Variants in ZNF559 observed in about 807,000 individuals in gnomAD.
ZNF559 encodes putative protein product of Nbla00121.
A neutral mutation model predicts 14.2 loss-of-function variants in ZNF559; 17 were observed. The observed-to-expected ratio is 1.20, with a 90% confidence interval of 0.82 to 1.80. The LOEUF (loss-of-function observed/expected upper bound fraction) is 1.80. Among genes scored for constraint, ZNF559 ranks in the 40% most tolerant of loss-of-function variants. ZNF559 has a pLI of 0.00. For synonymous variants in ZNF559, 244 were observed against 212.4 expected (o/e 1.15, Z -1.29); for missense variants, 740 against 629.7 (o/e 1.18, Z -1.88).
chr19:9,343,354 T>G lies in ZNF559; in HGVS notation c.*286T>G, dbSNP rs1437186687. 8.5e-7 allele frequency: 1 copy of G among 1,169,900 alleles called. No homozygotes were observed. The highest frequency in any genetic ancestry group is 1.1e-6 in the Non-Finnish European group (1 of 944,286). The allele number at this position is 1,169,900 out of a possible 1,614,324, so 72.5% of individuals were successfully genotyped here. ...GATGCTTACATCTTACTGAGTCTGT[T>G]TGAACTCATGCTGGAGAGAAATGCT... On this transcript the variant is annotated 3_prime_UTR_variant, in exon 7 of 7. Coordinates refer to ENST00000603380, the MANE Select transcript of ZNF559 (RefSeq NM_032497.3).
intron 2 of ZNF559, among the ~76,000 whole-genome samples, chr19:9,329,465 A>G (rs2066821343): frequency 6.6e-6 from 1 of 152,142 alleles, no homozygotes. Flanking sequence ...CCTTTTGATA[A>G]ATTGGTCCAT....
chr19:9,333,491 C>T (rs2067047955), intron 2 of ZNF559, among the ~76,000 whole-genome samples: 1 of 152,124 alleles, frequency 6.6e-6, no homozygotes. Flanking sequence ...TCACTTGCGT[C>T]CCACCTGAGC....
intron 1 of ZNF559, 135 bp from the exon 2 acceptor site, chr19:9,324,560 T>G: frequency 2.5e-6 from 3 of 1,178,150 alleles, no homozygotes; most frequent in Non-Finnish European, 3.5e-6. Flanking sequence ...TTGGGCGGAT[T>G]GGGTAGGAGG....
intron 5 of ZNF559, 80 bp from the exon 6 acceptor site, chr19:9,341,022 A>T (rs867686558): frequency 2.9e-6 from 3 of 1,045,552 alleles, no homozygotes; most frequent in Middle Eastern, 2.8e-4. Flanking sequence ...ACTACAGTAC[A>T]TACTAGTCTT....
intron 2 of ZNF559, among the ~76,000 whole-genome samples, chr19:9,325,728 G>A (rs2066551174): frequency 1.3e-5 from 2 of 151,094 alleles, no homozygotes; most frequent in South Asian, 4.2e-4. Flanking sequence ...AGAGGTTGCA[G>A]TGAGCCAAGA....
chr19:9,323,996 C>G (rs2066426493), upstream of ZNF559: 2 of 638,920 alleles, frequency 3.1e-6, no homozygotes, highest in South Asian at 2.0e-5. Context: ...ACGCCAGTAA[C>G]CTGGACAGCT....
chr19:9,339,371 CT>C (rs2067416623), intron 5 of ZNF559, 52 bp downstream of exon 5: 1 of 1,550,378 alleles, frequency 6.5e-7, no homozygotes, highest in African/African-American at 1.4e-5. Context: ...ACAAATGTGT[CT>C]TAAGTAACTA....
At chr19:9,328,639 T>C (rs2066769654) in intron 2 of ZNF559, among the ~76,000 whole-genome samples, 3 of 151,966 alleles carry the variant, frequency 2.0e-5, no homozygotes, top group Non-Finnish European at 4.4e-5. Flanking sequence ...CCTCCTAAAG[T>C]GCTGGGATTA....
At chr19:9,325,644 T>C (rs897662790) in intron 2 of ZNF559, among the ~76,000 whole-genome samples, 1 of 151,784 alleles carries the variant, frequency 6.6e-6, no homozygotes, top group Admixed American at 6.6e-5. Flanking sequence ...TACAAAAAAT[T>C]AGCCGGGCGT....
upstream of ZNF559, chr19:9,324,018 C>A (rs886838576): frequency 2.6e-6 from 2 of 762,822 alleles, no homozygotes; most frequent in South Asian, 1.8e-5. Flanking sequence ...GCAGTCAAGA[C>A]CCCCTACCGG....
chr19:9,330,558 T>C (rs1216714864), intron 2 of ZNF559, among the ~76,000 whole-genome samples: 1 of 152,190 alleles, frequency 6.6e-6, no homozygotes, highest in Non-Finnish European at 1.5e-5. Context: ...ATTTTGTTGA[T>C]TCTTCTGTTT....
intron 1 of ZNF559, 22 bp downstream of exon 1, chr19:9,324,250 G>C: frequency 6.5e-7 from 1 of 1,536,126 alleles, no homozygotes; most frequent in East Asian, 2.4e-5. Context: ...TTTCTGGGCG[G>C]CGTTCGGTGG....
intron 4 of ZNF559, among the ~76,000 whole-genome samples, chr19:9,338,805 T>G (rs2067380793): frequency 1.3e-5 from 2 of 152,182 alleles, no homozygotes; most frequent in African/African-American, 4.8e-5. Flanking sequence ...CTGACTGTCA[T>G]CCATGCTGAT....
intron 2 of ZNF559, among the ~76,000 whole-genome samples, chr19:9,328,280 T>C (rs536740785): frequency 6.6e-6 from 1 of 152,062 alleles, no homozygotes; most frequent in African/African-American, 2.4e-5. Flanking sequence ...TTCAAACATT[T>C]GCTTGAACTC....
Position 9,339,382 on chromosome 19 carries a change from A to G in ZNF559, c.160+63A>G, listed in dbSNP as rs148491885. The stretch of plus-strand genomic sequence containing the variant: ...TGGAACAAATGTGTCTTAAGTAACT[A>G]TGTTCTAGACTCTGCTTGTTAATGG... On this transcript the variant is annotated intron_variant, in intron 5 of 6. Transcript: ENST00000603380. 128 of 1,536,440 alleles carry G rather than the reference A, an allele frequency of 8.3e-5. 1 individual carries two copies. The East Asian group carries it at 2.6e-3, about 32-fold the overall frequency.
chr19:9,341,256 G>A (rs1024158799), intron 6 of ZNF559, 72 bp downstream of exon 6: 7 of 1,441,384 alleles, frequency 4.9e-6, no homozygotes, highest in Non-Finnish European at 6.8e-6. Context: ...AAATGGAAAA[G>A]CAGCACAATA....
At position 9,339,065 on chromosome 19, in the gene ZNF559, G is replaced by A. The variant is rs1398502051; in HGVS notation, c.34-128G>A. Reference sequence around the variant, plus strand: ...ATATGTACAGACAGGGGAGAAGAAAGTGAGGACCATCAAGTGATAGGAGAC... The same window carrying A: ...ATATGTACAGACAGGGGAGAAGAAAATGAGGACCATCAAGTGATAGGAGAC... On this transcript the variant is annotated intron_variant, in intron 4 of 6. Transcript: ENST00000603380. The A allele has an allele frequency of 3.1e-6, 4 of 1,293,404 alleles. No homozygotes were observed. In the African/African-American group the frequency reaches 5.9e-5, roughly 19 times the overall value. 80.1% of individuals were successfully genotyped at this position (1,293,404 alleles called of 1,614,324 possible). A position where few individuals can be genotyped will look rare whatever the true frequency, so the allele number is the denominator to read the frequency against.
At chr19:9,328,430 T>G (rs2066755337) in intron 2 of ZNF559, among the ~76,000 whole-genome samples, 1 of 144,122 alleles carries the variant, frequency 6.9e-6, no homozygotes, top group African/African-American at 2.6e-5. Context: ...CTCGGCTCAC[T>G]GCAACCTCCA....
intron 4 of ZNF559, among the ~76,000 whole-genome samples, 177 bp from the exon 5 acceptor site, chr19:9,339,016 A>G (rs1167920869): frequency 6.6e-6 from 1 of 152,212 alleles, no homozygotes; most frequent in East Asian, 1.9e-4. Context: ...TTCAAGCCAT[A>G]TGACTAGATG....
Sources: gnomAD v4.1 joint callset for allele counts (sites outside exome capture counted in the v4.1 genomes callset) on GRCh38, gnomAD v4.1.1 for gene constraint, MANE v1.5 for transcripts, NCBI Gene and HGNC (gene_info 2026-07-23, HGNC 2026-07-21) for gene names.